Variants in NELFB observed in about 807,000 individuals in gnomAD.
NELFB encodes negative elongation factor B.
Under a neutral mutation model 60.2 loss-of-function variants are expected in NELFB, and 34 were observed. The observed-to-expected ratio is 0.56, with a 90% CI of 0.43 to 0.75. The LOEUF (loss-of-function observed/expected upper bound fraction) is 0.75, where lower values mean the gene tolerates loss of function less well. NELFB is among the 30% of genes least tolerant of loss of function. The pLI, the probability that NELFB is intolerant of heterozygous loss-of-function variation, is 0.00. For synonymous variants in NELFB, 459 were observed against 382.1 expected, an observed-to-expected ratio of 1.20 and a Z score of -2.35; for missense variants, 770 against 831.6, an observed-to-expected ratio of 0.93 and a Z score of 0.91.
At position 137,263,148 on chromosome 9, in the gene NELFB, C is replaced by T. The variant is rs768940546; in HGVS notation, c.853C>T (p.Leu285=). 4 of 1,613,968 alleles carry T rather than the reference C, an allele frequency of 2.5e-6. No homozygotes were observed. The African/African-American group carries it at 5.3e-5, about 22-fold the overall frequency. ...CACGCGGAATGTGCACTACTGCACG[C>T]TGCGGGCTGAGCTGCTCATGTCCCT... Residue 285 remains leucine, a synonymous_variant, in exon 5 of 13, where the codon CTG becomes TTG. Transcript: ENST00000343053.
At position 137,266,527 on chromosome 9, in the gene NELFB, T is replaced by G. The variant is rs893668555; in HGVS notation, c.1239+101T>G. On this transcript the variant is annotated intron_variant, in intron 8 of 12. Transcript: ENST00000343053. ...CTAGCAAGGTGATTGTGGAGGCCCC[T>G]TTGGTCCCAAAGCTTCCTTCCTGGA... 22 of 1,018,122 alleles carry G rather than the reference T, an allele frequency of 2.2e-5. No homozygotes were observed. In the African/African-American group the frequency reaches 3.5e-4, roughly 16 times the overall value. 63.1% of individuals were successfully genotyped at this position (1,018,122 alleles called of 1,614,324 possible).
Position 137,272,811 on chromosome 9 carries a change from C to T in NELFB, c.1770C>T (p.Ser590=). The T allele has an allele frequency of 1.9e-6, 3 of 1,549,848 alleles. No homozygotes were observed. The highest frequency in any genetic ancestry group is 1.2e-5 in the South Asian group (1 of 83,978). The change falls in exon 13 of 13, where the codon TCC becomes TCT. Residue 590 remains serine (S), a synonymous_variant. Transcript: ENST00000343053. ...GAGAGGCAGTGAAGGAGCTTTACTC[C>T]CAGCTCGGCGAGAAGCTGGAACAGC...
intron 6 of NELFB, 43 bp downstream of exon 6, chr9:137,264,400 C>T (rs1027673038): frequency 1.2e-5 from 17 of 1,418,536 alleles, no homozygotes; most frequent in Admixed American, 3.9e-5. Context: ...CAGGGCCCTG[C>T]GTGCATCCGG....
chr9:137,272,517 G>A lies in NELFB; in HGVS notation c.1642G>A (p.Val548Met), dbSNP rs771849569. 2.5e-6 allele frequency: 4 copies of A among 1,612,056 alleles called. No homozygotes were observed. The highest frequency in any genetic ancestry group is 1.7e-5 in the Admixed American group (1 of 59,940). ...CACGGCCTTTTCCAGGAAGGAGAAC[G>A]TGCACCGGCACGCGCTGCGGCTCCT... The change falls in exon 12 of 13, where the codon GTG (valine) becomes ATG (methionine). Residue 548 changes from valine to methionine, a missense_variant. Transcript: ENST00000343053.
chr9:137,255,857 G>A (rs374548242), intron 1 of NELFB, 50 bp from the exon 2 acceptor site: 8 of 1,599,054 alleles, frequency 5.0e-6, no homozygotes, highest in Non-Finnish European at 6.8e-6. Flanking sequence ...AGGACCTCGG[G>A]GTGCCCGGGC....
At chr9:137,262,129 C>T (rs1400686240) in intron 4 of NELFB, among the ~76,000 whole-genome samples, 1 of 152,204 alleles carries the variant, frequency 6.6e-6, no homozygotes, top group Non-Finnish European at 1.5e-5. Flanking sequence ...AGGAGCGTGA[C>T]CACTGAAGCA....
rs371255288 is a variant in NELFB at position 137,261,113 on chromosome 9, CG to C, written c.742-1921del. ...ATCCCAGCACTTTGGGAGGCCGAGG[CG>C]GGTGGATCATGAGGTCAGGAGATCG... is the stretch of plus-strand genomic sequence containing the variant. On this transcript the variant is annotated intron_variant, in intron 4 of 12. Transcript: ENST00000343053. Among the ~76,000 whole-genome samples the C allele has an allele frequency of 4.0e-3, 597 of 148,702 alleles. 2 individuals are homozygous for C. The highest frequency in any genetic ancestry group is 0.017 in the East Asian group (84 of 4,904).
chr9:137,258,129 T>G (rs1164578857), intron 4 of NELFB, among the ~76,000 whole-genome samples: 7 of 145,398 alleles, frequency 4.8e-5, no homozygotes, highest in Non-Finnish European at 9.0e-5. Context: ...TTTTTTTTTT[T>G]TTTTTTTTTT....
At chr9:137,260,176 A>C (rs1295521179) in intron 4 of NELFB, among the ~76,000 whole-genome samples, 2 of 150,400 alleles carry the variant, frequency 1.3e-5, no homozygotes, top group Non-Finnish European at 3.0e-5. Context: ...CAGCCTCCCG[A>C]GTGGCTGGGA....
Position 137,267,074 on chromosome 9 carries a change from A to G in NELFB, c.1370A>G (p.Glu457Gly), listed in dbSNP as rs78649617. Residue 457 changes from glutamate (E) to glycine (G), a missense_variant, in exon 9 of 13, where the codon GAA becomes GGA. Transcript: ENST00000343053. ...GTCTCATATCCAAACACACTTCCCG[A>G]AAGCTTCACTAAGTACGGGCTGTAG... 828 of 1,614,020 alleles carry G rather than the reference A, an allele frequency of 5.1e-4. 15 individuals are homozygous for G. In the East Asian group the frequency reaches 0.018, roughly 35 times the overall value.
At chr9:137,266,835 G>A in intron 8 of NELFB, 109 bp from the exon 9 acceptor site, 1 of 1,341,654 alleles carries the variant, frequency 7.5e-7, no homozygotes, top group Non-Finnish European at 1.0e-6. Context: ...GGGAGGGTCG[G>A]TGAGGTATCT....
intron 4 of NELFB, 151 bp from the exon 5 acceptor site, chr9:137,262,885 GC>G: frequency 1.4e-6 from 1 of 717,312 alleles, no homozygotes; most frequent in Non-Finnish European, 2.3e-6. Context: ...CAGACTGGGG[GC>G]CAATATTTAA....
At chr9:137,270,910 C>G (rs1010755590) in intron 10 of NELFB, among the ~76,000 whole-genome samples, 1 of 152,224 alleles carries the variant, frequency 6.6e-6, no homozygotes, top group Non-Finnish European at 1.5e-5. Context: ...CAGAGTGAGA[C>G]TCTTCTCAAA....
intron 4 of NELFB, among the ~76,000 whole-genome samples, chr9:137,259,874 G>GCCCA: frequency 7.4e-6 from 1 of 135,156 alleles, no homozygotes; most frequent in South Asian, 2.4e-4. Flanking sequence ...ACAGGCGCCT[G>GCCCA]CCACCATGCC....
At chr9:137,266,076 G>T in intron 7 of NELFB, 97 bp downstream of exon 7, 1 of 998,938 alleles carries the variant, frequency 1.0e-6, no homozygotes. Flanking sequence ...CCAGGTGGAG[G>T]CAGCTGTTGG....
At chr9:137,258,785 G>A (rs1837598414) in intron 4 of NELFB, among the ~76,000 whole-genome samples, 1 of 151,792 alleles carries the variant, frequency 6.6e-6, no homozygotes, top group Admixed American at 6.6e-5. Context: ...ACTGTTCAGT[G>A]GAAAAAGCGA....
Position 137,272,904 on chromosome 9 carries a change from C to A in NELFB, c.1863C>A (p.Ser621Arg). Reference sequence around the variant, plus strand: ...CGGCCCTGGAGCTGCCCCTCCCCAGCGTGCCCGCCCCTGCCCCGCTCTGAG... The same window carrying A: ...CGGCCCTGGAGCTGCCCCTCCCCAGAGTGCCCGCCCCTGCCCCGCTCTGAG... Residue 621 changes from serine (S) to arginine (R), a missense_variant, in exon 13 of 13, where the codon AGC becomes AGA. Coordinates refer to ENST00000343053, the MANE Select transcript of NELFB (RefSeq NM_015456.5). The A allele has an allele frequency of 1.3e-6, 2 of 1,541,758 alleles. No individual in the cohort carries two copies. Among genetic ancestry groups the A allele is most frequent in the Non-Finnish European group, 8.8e-7 (1 of 1,142,216 alleles).
At chr9:137,258,007 G>A (rs1588884446) in intron 4 of NELFB, among the ~76,000 whole-genome samples, 1 of 151,602 alleles carries the variant, frequency 6.6e-6, no homozygotes, top group Admixed American at 6.6e-5. Flanking sequence ...GTCTGGCTAT[G>A]TTGCTCAGGC....
Position 137,267,222 on chromosome 9 carries a change from A to T in NELFB, c.1383-18A>T. 1 of 1,555,840 alleles carries T rather than the reference A, an allele frequency of 6.4e-7. No individual in the cohort carries two copies. Among genetic ancestry groups the T allele is most frequent in the South Asian group, 1.1e-5 (1 of 88,292 alleles). On this transcript the variant is annotated intron_variant, in intron 9 of 12. Coordinates refer to ENST00000343053, the MANE Select transcript of NELFB (RefSeq NM_015456.5). ...CTGAGGTGGGGCTGAGGTGGGGCTGATGGCGCCCCGGGCGCAGGTTTCTGC... is the reference window on the plus strand; with the variant it reads ...CTGAGGTGGGGCTGAGGTGGGGCTGTTGGCGCCCCGGGCGCAGGTTTCTGC...
Sources: gnomAD v4.1 joint callset for allele counts (sites outside exome capture counted in the v4.1 genomes callset) on GRCh38, gnomAD v4.1.1 for gene constraint, MANE v1.5 for transcripts, NCBI Gene and HGNC (gene_info 2026-07-23, HGNC 2026-07-21) for gene names.